PDGFD: variants seen among roughly 807,000 people sequenced by gnomAD.
PDGFD encodes platelet derived growth factor D, also known as platelet-derived growth factor D.
In PDGFD, 30 loss-of-function variants were observed where a neutral mutation model predicts 44.7. The observed-to-expected ratio is 0.67, with a 90% confidence interval of 0.50 to 0.91. The LOEUF (loss-of-function observed/expected upper bound fraction) is 0.91. PDGFD is among the 40% of genes least tolerant of loss of function. The pLI is 0.00. For missense variants in PDGFD, 445 were observed against 457.8 expected (o/e 0.97, Z 0.25); for synonymous variants, 173 against 168.4 (o/e 1.03, Z -0.21).
At chr11:103,932,244 C>A (rs915491814) in intron 5 of PDGFD, among the ~76,000 whole-genome samples, 1 of 151,878 alleles carries the variant, frequency 6.6e-6, no homozygotes, top group Non-Finnish European at 1.5e-5. Context: ...GGTGAGCACC[C>A]ATAAAACCAT....
intron 1 of PDGFD, among the ~76,000 whole-genome samples, chr11:104,127,122 G>A (rs758779257): frequency 1.1e-4 from 17 of 152,058 alleles, no homozygotes; most frequent in Non-Finnish European, 2.2e-4. Flanking sequence ...CTAAACAAAG[G>A]TAGAAAAACA....
At chr11:103,955,724 AAT>A (rs1384164876) in intron 3 of PDGFD, among the ~76,000 whole-genome samples, 2 of 152,200 alleles carry the variant, frequency 1.3e-5, no homozygotes, top group Non-Finnish European at 2.9e-5. Flanking sequence ...GAAATTTAAT[AAT>A]ATATGTTTCT....
At chr11:103,955,127 G>A (rs1421090128) in intron 3 of PDGFD, among the ~76,000 whole-genome samples, 2 of 123,762 alleles carry the variant, frequency 1.6e-5, no homozygotes, top group Non-Finnish European at 3.2e-5. Flanking sequence ...TCCCGCCACT[G>A]CACTCCAGCC....
intron 6 of PDGFD, among the ~76,000 whole-genome samples, chr11:103,916,849 ACAC>A (rs1435472630): frequency 6.6e-6 from 1 of 152,156 alleles, no homozygotes; most frequent in African/African-American, 2.4e-5. Flanking sequence ...AGAAAACCCA[ACAC>A]CACATGTTCT....
chr11:104,124,357 C>T (rs894226304), intron 1 of PDGFD, among the ~76,000 whole-genome samples: 5 of 152,082 alleles, frequency 3.3e-5, no homozygotes, highest in Non-Finnish European at 5.9e-5. Flanking sequence ...GAGCCACTAA[C>T]TGTGAACGGG....
At chr11:104,023,522 T>C (rs192256414) in intron 1 of PDGFD, among the ~76,000 whole-genome samples, 2 of 152,280 alleles carry the variant, frequency 1.3e-5, no homozygotes, top group East Asian at 3.9e-4. Flanking sequence ...TTTATATCCA[T>C]GGTTCTGGCT....
At chr11:103,968,201 G>T (rs533958335) in intron 3 of PDGFD, among the ~76,000 whole-genome samples, 2 of 151,874 alleles carry the variant, frequency 1.3e-5, no homozygotes, top group Non-Finnish European at 2.9e-5. Context: ...ATGTCTTCTC[G>T]AATTGTCAGC....
intron 3 of PDGFD, among the ~76,000 whole-genome samples, chr11:103,964,078 T>C (rs891234656): frequency 4.6e-5 from 7 of 152,210 alleles, no homozygotes; most frequent in African/African-American, 1.7e-4. Context: ...GGTTTACTTC[T>C]TGCTCCCATG....
intron 1 of PDGFD, among the ~76,000 whole-genome samples, chr11:104,035,223 T>C (rs2134392810): frequency 6.6e-6 from 1 of 152,326 alleles, no homozygotes; most frequent in Middle Eastern, 3.4e-3. Context: ...TTCAAGGCAA[T>C]GGCCCATCTA....
chr11:104,163,963 A>T lies in PDGFD; in HGVS notation c.-36T>A, dbSNP rs1355907548. 2 of 1,498,962 alleles carry T rather than the reference A, an allele frequency of 1.3e-6. No homozygotes were observed. The highest frequency in any genetic ancestry group is 1.4e-5 in the South Asian group (1 of 73,172). The allele number at this position is 1,498,962 out of a possible 1,614,324, so 92.9% of individuals were successfully genotyped here. ...CGACTAGAGACAGCGTCGCTCCAAG[A>T]AAAAGCCGGGTTCTGCTCCCGGGAC... On this transcript the variant is annotated 5_prime_UTR_variant, in exon 1 of 7. Coordinates refer to ENST00000393158, the MANE Select transcript of PDGFD (RefSeq NM_025208.5).
At chr11:104,136,027 C>T (rs1861998714) in intron 1 of PDGFD, among the ~76,000 whole-genome samples, 1 of 152,084 alleles carries the variant, frequency 6.6e-6, no homozygotes, top group Non-Finnish European at 1.5e-5. Flanking sequence ...AAAGGAGGGA[C>T]CTCCAGGGAA....
intron 1 of PDGFD, among the ~76,000 whole-genome samples, chr11:104,109,814 C>A (rs961133040): frequency 1.3e-5 from 2 of 151,940 alleles, no homozygotes; most frequent in African/African-American, 4.8e-5. Context: ...TTTGGTGTGG[C>A]CTTATTTTCA....
At chr11:104,125,699 T>C (rs532435587) in intron 1 of PDGFD, among the ~76,000 whole-genome samples, 1 of 152,274 alleles carries the variant, frequency 6.6e-6, no homozygotes, top group South Asian at 2.1e-4. Context: ...ATGCTATTAC[T>C]TTACTGTGTA....
At chr11:103,928,966 G>A (rs1428847946) in intron 5 of PDGFD, among the ~76,000 whole-genome samples, 1 of 152,118 alleles carries the variant, frequency 6.6e-6, no homozygotes, top group East Asian at 1.9e-4. Context: ...CAAATCTGCT[G>A]CTTGTGATAA....
chr11:104,029,637 C>T (rs1247162588), intron 1 of PDGFD, among the ~76,000 whole-genome samples: 1 of 152,206 alleles, frequency 6.6e-6, no homozygotes, highest in Non-Finnish European at 1.5e-5. Context: ...TAACAAATTT[C>T]ATTCTACAAA....
intron 1 of PDGFD, among the ~76,000 whole-genome samples, chr11:104,024,172 GT>G: frequency 6.6e-6 from 1 of 151,984 alleles, no homozygotes; most frequent in Non-Finnish European, 1.5e-5. Context: ...TCGAAAATAA[GT>G]TTTTATCTCG....
intron 2 of PDGFD, among the ~76,000 whole-genome samples, chr11:103,997,395 G>A (rs1859549135): frequency 6.6e-6 from 1 of 152,102 alleles, no homozygotes; most frequent in Non-Finnish European, 1.5e-5. Context: ...AGCTCTACTG[G>A]ATTGGGCAAG....
chr11:104,023,942 G>T (rs548934231), intron 1 of PDGFD, among the ~76,000 whole-genome samples: 1 of 152,212 alleles, frequency 6.6e-6, no homozygotes, highest in East Asian at 1.9e-4. Flanking sequence ...AAGAAAAAAA[G>T]GTGGACAAAC....
chr11:104,109,228 T>A (rs540900308), intron 1 of PDGFD, among the ~76,000 whole-genome samples: 1 of 151,866 alleles, frequency 6.6e-6, no homozygotes, highest in Non-Finnish European at 1.5e-5. Context: ...ATAACTAACA[T>A]CATGTAGTAC....
Sources: allele counts gnomAD v4.1 joint callset (sites outside exome capture counted in the v4.1 genomes callset), GRCh38; gene constraint gnomAD v4.1.1; transcripts MANE v1.5; gene names NCBI Gene and HGNC (gene_info 2026-07-23, HGNC 2026-07-21).